ACOXL: variants seen among roughly 807,000 people sequenced by gnomAD.
ACOXL encodes the protein acyl-coenzyme A oxidase-like protein.
ACOXL carries 70 observed loss-of-function variants against 71.9 expected under a neutral mutation model. The ratio of observed to expected loss-of-function variants is 0.97; its 90% confidence interval spans 0.80 to 1.19. The LOEUF (loss-of-function observed/expected upper bound fraction) is 1.19, where lower values mean the gene tolerates loss of function less well. ACOXL is among the 50% of genes most tolerant of loss of function. The pLI, the probability that ACOXL is intolerant of heterozygous loss-of-function variation, is 0.00. For missense variants in ACOXL, 703 were observed against 736.3 expected (o/e 0.95, Z 0.52); for synonymous variants, 253 against 281.6 (o/e 0.90, Z 1.02).
intron 14 of ACOXL, among the ~76,000 whole-genome samples, chr2:111,014,019 A>G (rs2064307953): frequency 6.6e-6 from 1 of 152,228 alleles, no homozygotes; most frequent in Non-Finnish European, 1.5e-5. Flanking sequence ...ATTTGATGAA[A>G]TCCAACATGA....
chr2:111,000,173 G>T (rs144576242), intron 14 of ACOXL, among the ~76,000 whole-genome samples: 1 of 152,216 alleles, frequency 6.6e-6, no homozygotes. Flanking sequence ...GTGAGGACTT[G>T]TAGGAAAATG....
Position 110,784,801 on chromosome 2 carries a change from GC to G in ACOXL, c.147del (p.Thr50GlnfsTer3). Reference sequence around the variant, plus strand: ...AGAAGTCCTCTCCATGGCGGACATGGCCACAGGAGTGAAGGTGAGAGGCGCC... The same window carrying G: ...AGAAGTCCTCTCCATGGCGGACATGGCACAGGAGTGAAGGTGAGAGGCGCC... The part of the protein sequence containing the change: ...IGEVLSMADM[A>X]TGVKCGIIYW... On this transcript the variant is annotated frameshift_variant, in exon 3 of 18. Transcript: ENST00000439055. LOFTEE classifies it high-confidence loss of function. The G allele has an allele frequency of 6.2e-7, 1 of 1,604,946 alleles. No homozygotes were observed. Among genetic ancestry groups the G allele is most frequent in the Non-Finnish European group, 8.5e-7 (1 of 1,177,050 alleles).
Position 111,013,182 on chromosome 2 carries a change from CTT to C in ACOXL, c.1281+17179_1281+17180del, listed in dbSNP as rs548696530. Among the ~76,000 whole-genome samples, 9 of 152,194 alleles carry C rather than the reference CTT, an allele frequency of 5.9e-5. No individual in the cohort carries two copies. The East Asian group carries it at 1.7e-3, about 29-fold the overall frequency. On this transcript the variant is annotated intron_variant, in intron 14 of 17. Transcript: ENST00000439055. The stretch of plus-strand genomic sequence containing the variant: ...AACTTAATGCAAACAAGTTCAGTAA[CTT>C]AGAATAAATTCCTGGAAAAATACAG...
chr2:111,068,585 C>G (rs1371898069), intron 16 of ACOXL, among the ~76,000 whole-genome samples: 1 of 152,184 alleles, frequency 6.6e-6, no homozygotes, highest in Non-Finnish European at 1.5e-5. Context: ...GCTCTGTGGC[C>G]TGTGGTCTAG....
intron 10 of ACOXL, among the ~76,000 whole-genome samples, chr2:110,853,701 C>T (rs1692893058): frequency 6.6e-6 from 1 of 152,148 alleles, no homozygotes; most frequent in African/African-American, 2.4e-5. Flanking sequence ...CACAGTAGGA[C>T]TCACTGTTGC....
At chr2:110,864,547 A>G (rs1694328125) in intron 10 of ACOXL, among the ~76,000 whole-genome samples, 1 of 152,220 alleles carries the variant, frequency 6.6e-6, no homozygotes, top group African/African-American at 2.4e-5. Flanking sequence ...CCTCTTGGCT[A>G]AGGGCGTATA....
At chr2:110,837,844 C>G (rs752040898) in intron 9 of ACOXL, among the ~76,000 whole-genome samples, 1 of 152,206 alleles carries the variant, frequency 6.6e-6, no homozygotes, top group African/African-American at 2.4e-5. Flanking sequence ...GCAATACTTA[C>G]AGTATGTCCT....
chr2:111,061,444 T>A (rs560436025), intron 16 of ACOXL, among the ~76,000 whole-genome samples: 1 of 148,964 alleles, frequency 6.7e-6, no homozygotes, highest in South Asian at 2.1e-4. Flanking sequence ...TAGGAGGAAG[T>A]CAAGCTATCC....
chr2:110,963,319 T>TA (rs61659448), intron 12 of ACOXL, among the ~76,000 whole-genome samples: 27,056 of 149,490 alleles, frequency 0.18, 3,780 homozygotes, highest in East Asian at 0.61. Context: ...AAGAACGAGG[T>TA]AAAAAAAAAA....
intron 10 of ACOXL, among the ~76,000 whole-genome samples, chr2:110,873,192 G>A (rs567458986): frequency 6.6e-6 from 1 of 152,216 alleles, no homozygotes; most frequent in African/African-American, 2.4e-5. Context: ...GTCACTGGTG[G>A]TGGCATTCTC....
chr2:111,045,487 G>A (rs1044970158), intron 15 of ACOXL, among the ~76,000 whole-genome samples: 5 of 152,108 alleles, frequency 3.3e-5, no homozygotes, highest in Non-Finnish European at 5.9e-5. Context: ...GCACTGCTTC[G>A]TGCCGCCACG....
At chr2:110,825,513 A>G (rs1340600483) in intron 9 of ACOXL, among the ~76,000 whole-genome samples, 1 of 152,146 alleles carries the variant, frequency 6.6e-6, no homozygotes, top group African/African-American at 2.4e-5. Flanking sequence ...CTGCCACACC[A>G]GAAGTGGACG....
chr2:110,840,266 G>T (rs927313312), intron 9 of ACOXL, among the ~76,000 whole-genome samples: 1 of 152,034 alleles, frequency 6.6e-6, no homozygotes, highest in Non-Finnish European at 1.5e-5. Context: ...GTTTGACCTG[G>T]TCATCACTTG....
chr2:110,830,691 G>A (rs1689720502), intron 9 of ACOXL, among the ~76,000 whole-genome samples: 1 of 151,946 alleles, frequency 6.6e-6, no homozygotes, highest in Admixed American at 6.6e-5. Flanking sequence ...CCGCCACCAC[G>A]CCTGGCTAAA....
intron 9 of ACOXL, among the ~76,000 whole-genome samples, chr2:110,835,972 G>T (rs1436661371): frequency 6.6e-6 from 1 of 152,212 alleles, no homozygotes; most frequent in East Asian, 1.9e-4. Context: ...TCACAATGAA[G>T]AAACAGGCTG....
At chr2:110,766,750 C>T (rs1477447995) in intron 1 of ACOXL, among the ~76,000 whole-genome samples, 1 of 152,130 alleles carries the variant, frequency 6.6e-6, no homozygotes, top group Non-Finnish European at 1.5e-5. Flanking sequence ...CTAGATTTAC[C>T]TCGCATCTTC....
intron 13 of ACOXL, among the ~76,000 whole-genome samples, 162 bp downstream of exon 13, chr2:110,987,379 A>T (rs2062979738): frequency 6.6e-6 from 1 of 152,222 alleles, no homozygotes; most frequent in African/African-American, 2.4e-5. Flanking sequence ...ACTCACTACC[A>T]ACTTAAAAAC....
chr2:110,835,541 C>G (rs1158768483), intron 9 of ACOXL, among the ~76,000 whole-genome samples: 1 of 152,190 alleles, frequency 6.6e-6, no homozygotes, highest in Non-Finnish European at 1.5e-5. Context: ...CTGCTGGTCT[C>G]CCGTGAGCAC....
chr2:111,093,419 C>T, intron 17 of ACOXL: 2 of 1,609,376 alleles, frequency 1.2e-6, no homozygotes, highest in Non-Finnish European at 1.7e-6. Context: ...AATGCTACTG[C>T]AAAGAAAAAG....
Sources: gnomAD v4.1 joint callset for allele counts (sites outside exome capture counted in the v4.1 genomes callset) on GRCh38, gnomAD v4.1.1 for gene constraint, MANE v1.5 for transcripts, NCBI Gene and HGNC (gene_info 2026-07-23, HGNC 2026-07-21) for gene names.